FGF1: variants seen among roughly 807,000 people sequenced by gnomAD.
FGF1 encodes the protein beta-endothelial cell growth factor.
FGF1 carries 9 observed loss-of-function variants against 13.4 expected under a neutral mutation model. The observed-to-expected ratio is 0.67, with a 90% CI of 0.40 to 1.17. The LOEUF is 1.17. Ranked by LOEUF, FGF1 falls within the 50% of genes most tolerant of loss-of-function variation. The probability of loss-of-function intolerance (pLI) is 0.01; values close to 1 mark genes in which losing one functional copy is unlikely to be tolerated. For missense variants in FGF1, 156 were observed against 192.7 expected (o/e 0.81, Z 1.13); for synonymous variants, 93 against 79.0 (o/e 1.18, Z -0.94).
chr5:142,662,515 C>A (rs1346598882), intron 1 of FGF1, among the ~76,000 whole-genome samples: 1 of 152,086 alleles, frequency 6.6e-6, no homozygotes, highest in Non-Finnish European at 1.5e-5. Context: ...ACTATTATAC[C>A]CACCATGCTT....
intron 2 of FGF1, among the ~76,000 whole-genome samples, chr5:142,694,088 AATCT>A (rs35496779): frequency 0.56 from 78,728 of 140,286 alleles, 22,192 homozygotes; most frequent in Admixed American, 0.58. Context: ...ATCTATCTAT[AATCT>A]ATCTATCTAT....
chr5:142,692,659 G>GCACACACACACACACAC (rs1752401268), intron 2 of FGF1, among the ~76,000 whole-genome samples: 1 of 148,194 alleles, frequency 6.7e-6, no homozygotes, highest in African/African-American at 2.6e-5. Context: ...CTATTCCCCA[G>GCACACACACACACACAC]GACACACACA....
chr5:142,642,213 C>T (rs981189432), intron 1 of FGF1, among the ~76,000 whole-genome samples: 1 of 152,158 alleles, frequency 6.6e-6, no homozygotes, highest in African/African-American at 2.4e-5. Context: ...CAGCAGTGAC[C>T]TTACCTCCAG....
At chr5:142,616,935 T>C (rs1453018234) in intron 1 of FGF1, among the ~76,000 whole-genome samples, 1 of 152,218 alleles carries the variant, frequency 6.6e-6, no homozygotes, top group Non-Finnish European at 1.5e-5. Flanking sequence ...TATATACCAG[T>C]GGTTGCCACT....
At chr5:142,629,434 G>A (rs1032251090) in intron 1 of FGF1, among the ~76,000 whole-genome samples, 1 of 152,140 alleles carries the variant, frequency 6.6e-6, no homozygotes, top group Non-Finnish European at 1.5e-5. Flanking sequence ...AAATTTCAGG[G>A]ATTATAGGCA....
At chr5:142,611,168 G>A (rs896723838) in intron 2 of FGF1, among the ~76,000 whole-genome samples, 1 of 151,918 alleles carries the variant, frequency 6.6e-6, no homozygotes, top group African/African-American at 2.4e-5. Context: ...GGGAGCATCC[G>A]TCTCATGCCT....
intron 1 of FGF1, among the ~76,000 whole-genome samples, chr5:142,684,840 A>T (rs11167789): frequency 0.28 from 41,857 of 151,888 alleles, 5,853 homozygotes; most frequent in Middle Eastern, 0.31. Flanking sequence ...GGGATGCTCA[A>T]GTCCTCCCAC....
chr5:142,687,299 C>T (rs1751411853), upstream of FGF1, among the ~76,000 whole-genome samples: 1 of 152,196 alleles, frequency 6.6e-6, no homozygotes, highest in Non-Finnish European at 1.5e-5. Context: ...GTTCCCCACA[C>T]TCCCCACAGA....
chr5:142,627,759 G>A (rs1410786614), intron 1 of FGF1, among the ~76,000 whole-genome samples: 1 of 152,036 alleles, frequency 6.6e-6, no homozygotes, highest in Non-Finnish European at 1.5e-5. Flanking sequence ...AGCCTTCAAG[G>A]GCCAAGTTTT....
chr5:142,646,296 A>C (rs1766086658), intron 1 of FGF1, among the ~76,000 whole-genome samples: 1 of 137,810 alleles, frequency 7.3e-6, no homozygotes, highest in Admixed American at 8.2e-5. Context: ...AGCTCACTGC[A>C]ACCTCTGCTG....
chr5:142,658,859 A>T (rs1768642466), intron 1 of FGF1, among the ~76,000 whole-genome samples: 1 of 151,858 alleles, frequency 6.6e-6, no homozygotes, highest in African/African-American at 2.4e-5. Context: ...GTGATCATGA[A>T]CTCTTCCAGG....
At chr5:142,660,051 G>A (rs17223303) in intron 1 of FGF1, among the ~76,000 whole-genome samples, 60 of 152,320 alleles carry the variant, frequency 3.9e-4, no homozygotes, top group Admixed American at 1.6e-3. Flanking sequence ...TCCATAAACA[G>A]GCCATGGGCA....
At chr5:142,616,672 A>T (rs1364907557) in intron 1 of FGF1, among the ~76,000 whole-genome samples, 2 of 150,526 alleles carry the variant, frequency 1.3e-5, no homozygotes, top group Admixed American at 1.3e-4. Flanking sequence ...CTGTCTCTCC[A>T]CTCACTCCTC....
At chr5:142,630,376 G>A (rs1027794966) in intron 1 of FGF1, among the ~76,000 whole-genome samples, 1 of 152,046 alleles carries the variant, frequency 6.6e-6, no homozygotes, top group African/African-American at 2.4e-5. Context: ...TCCACAGCAG[G>A]TCCAATTCAC....
At chr5:142,597,073 TA>T (rs201372039) in intron 3 of FGF1, among the ~76,000 whole-genome samples, 7 of 151,890 alleles carry the variant, frequency 4.6e-5, no homozygotes, top group Non-Finnish European at 8.8e-5. Context: ...TGTGCAAAGA[TA>T]AAAAAAAATT....
chr5:142,656,127 C>T (rs1278521665), intron 1 of FGF1, among the ~76,000 whole-genome samples: 1 of 152,104 alleles, frequency 6.6e-6, no homozygotes, highest in African/African-American at 2.4e-5. Flanking sequence ...TCCCTGAAAT[C>T]TGTGAACAAA....
intron 1 of FGF1, among the ~76,000 whole-genome samples, chr5:142,629,303 G>T (rs1397402419): frequency 6.6e-6 from 1 of 152,006 alleles, no homozygotes; most frequent in Non-Finnish European, 1.5e-5. Context: ...CTACAGGCAC[G>T]CACCACCACG....
chr5:142,677,511 G>C (rs1389792133), intron 1 of FGF1, among the ~76,000 whole-genome samples: 1 of 152,236 alleles, frequency 6.6e-6, no homozygotes. Flanking sequence ...GACTAAGCCA[G>C]AGCAGCTGAC....
intron 1 of FGF1, among the ~76,000 whole-genome samples, chr5:142,646,075 AT>A (rs1320586376): frequency 3.3e-4 from 50 of 149,264 alleles, no homozygotes; most frequent in African/African-American, 1.0e-3. Flanking sequence ...CACCCGGCTA[AT>A]TTTTTTGTAT....
Sources: gnomAD v4.1 joint callset for allele counts (sites outside exome capture counted in the v4.1 genomes callset) on GRCh38, gnomAD v4.1.1 for gene constraint, MANE v1.5 for transcripts, NCBI Gene and HGNC (gene_info 2026-07-23, HGNC 2026-07-21) for gene names.